Variants in ASIC2 observed in about 807,000 individuals in gnomAD.
The protein encoded by ASIC2 is acid sensing ion channel subunit 2.
In ASIC2, 25 loss-of-function variants were observed where a neutral mutation model predicts 57.3. The observed-to-expected ratio is 0.44, with a 90% CI of 0.32 to 0.61. The LOEUF (loss-of-function observed/expected upper bound fraction) is 0.61. Among genes scored for constraint, ASIC2 ranks in the 20% least tolerant of loss-of-function variants. The pLI, the probability that ASIC2 is intolerant of heterozygous loss-of-function variation, is 0.06. For synonymous variants in ASIC2, 319 were observed against 307.5 expected (o/e 1.04, Z -0.39); for missense variants, 641 against 738.1 (o/e 0.87, Z 1.52).
At chr17:33,094,474 C>T (rs981992580) in intron 2 of ASIC2, among the ~76,000 whole-genome samples, 3 of 152,090 alleles carry the variant, frequency 2.0e-5, no homozygotes, top group Non-Finnish European at 4.4e-5. Flanking sequence ...TTGCCCATGC[C>T]TTTGTTAACA....
At chr17:33,887,979 T>C (rs1914869059) in intron 1 of ASIC2, among the ~76,000 whole-genome samples, 2 of 152,190 alleles carry the variant, frequency 1.3e-5, no homozygotes, top group Admixed American at 1.3e-4. Flanking sequence ...TTTCTGCCGA[T>C]TTTGCATGTT....
At chr17:33,992,457 T>C (rs939794851) in intron 1 of ASIC2, among the ~76,000 whole-genome samples, 1 of 152,226 alleles carries the variant, frequency 6.6e-6, no homozygotes, top group African/African-American at 2.4e-5. Context: ...AATTTACTTC[T>C]TTCCTTCCAA....
chr17:33,341,623 G>A (rs1306426163), intron 1 of ASIC2, among the ~76,000 whole-genome samples: 1 of 152,192 alleles, frequency 6.6e-6, no homozygotes. Context: ...TTATTATTCA[G>A]TAAATATTTA....
At chr17:34,132,126 A>C (rs1911993494) in intron 1 of ASIC2, among the ~76,000 whole-genome samples, 2 of 152,218 alleles carry the variant, frequency 1.3e-5, no homozygotes, top group South Asian at 4.2e-4. Context: ...TGGGATCTCA[A>C]CTTTGCCACT....
At chr17:33,694,673 A>G (rs1457635147) in intron 1 of ASIC2, among the ~76,000 whole-genome samples, 1 of 152,202 alleles carries the variant, frequency 6.6e-6, no homozygotes, top group African/African-American at 2.4e-5. Context: ...ACAAAGCTCC[A>G]ATGGATAATG....
intron 1 of ASIC2, among the ~76,000 whole-genome samples, chr17:33,894,467 C>T (rs185845039): frequency 4.6e-5 from 7 of 152,134 alleles, no homozygotes; most frequent in Middle Eastern, 3.4e-3. Flanking sequence ...GAGTTGTTCT[C>T]TCCTGGGTGC....
At chr17:33,902,376 C>T (rs1915247607) in intron 1 of ASIC2, among the ~76,000 whole-genome samples, 1 of 152,244 alleles carries the variant, frequency 6.6e-6, no homozygotes, top group Admixed American at 6.5e-5. Context: ...CACAAAATCC[C>T]AGTTTACACT....
At chr17:33,453,063 TAACTTATGCC>T (rs1912319433) in intron 1 of ASIC2, among the ~76,000 whole-genome samples, 1 of 152,234 alleles carries the variant, frequency 6.6e-6, no homozygotes, top group South Asian at 2.1e-4. Context: ...CGAAGGTTGC[TAACTTATGCC>T]TATGAGTTCT....
chr17:34,082,707 G>C (rs1909935783), intron 1 of ASIC2, among the ~76,000 whole-genome samples: 1 of 152,218 alleles, frequency 6.6e-6, no homozygotes, highest in Non-Finnish European at 1.5e-5. Context: ...GGTACTTCAT[G>C]CATTACCTTA....
At chr17:33,658,164 G>A (rs1251689550) in intron 1 of ASIC2, among the ~76,000 whole-genome samples, 1 of 152,186 alleles carries the variant, frequency 6.6e-6, no homozygotes, top group East Asian at 1.9e-4. Flanking sequence ...CTACTCCTTA[G>A]AAGTGGCCTG....
At chr17:33,179,811 G>A (rs978523876) in intron 1 of ASIC2, among the ~76,000 whole-genome samples, 2 of 152,166 alleles carry the variant, frequency 1.3e-5, no homozygotes, top group Non-Finnish European at 2.9e-5. Flanking sequence ...TGGCCCTTTC[G>A]TTCTAACGTA....
chr17:34,148,795 T>G (rs1904390414), intron 1 of ASIC2, among the ~76,000 whole-genome samples: 1 of 152,122 alleles, frequency 6.6e-6, no homozygotes, highest in South Asian at 2.1e-4. Flanking sequence ...ATACTATCAA[T>G]AAATTTCCAT....
At chr17:33,790,648 T>C (rs1342699459) in intron 1 of ASIC2, among the ~76,000 whole-genome samples, 1 of 152,020 alleles carries the variant, frequency 6.6e-6, no homozygotes, top group Non-Finnish European at 1.5e-5. Flanking sequence ...GCAGCCCCCA[T>C]AGTTGCATAA....
Position 33,813,391 on chromosome 17 carries a change from A to C in ASIC2, c.555+342587T>G, listed in dbSNP as rs201916165. The stretch of plus-strand genomic sequence containing the variant: ...ACAAAAAACAAACAAACAAACAAAC[A>C]AACCCAGCCCCAGAGTGCCAGCATT... On this transcript the variant is annotated intron_variant, in intron 1 of 9. Coordinates refer to the ASIC2 transcript ENST00000359872. 1.4e-4 allele frequency among the ~76,000 whole-genome samples: 22 copies of C among 152,272 alleles called. No homozygotes were observed. In the East Asian group the frequency reaches 1.5e-3, roughly 11 times the overall value.
intron 1 of ASIC2, among the ~76,000 whole-genome samples, chr17:34,154,432 T>C (rs758919176): frequency 1.3e-5 from 2 of 152,200 alleles, no homozygotes; most frequent in African/African-American, 2.4e-5. Flanking sequence ...CCGATTTTGC[T>C]GTGCTCTTCC....
At chr17:33,226,056 C>A (rs890017384) in intron 1 of ASIC2, among the ~76,000 whole-genome samples, 2 of 152,138 alleles carry the variant, frequency 1.3e-5, no homozygotes, top group Non-Finnish European at 1.5e-5. Flanking sequence ...TTGTGGTCTA[C>A]TAGGAAAGAC....
At chr17:33,138,615 C>T (rs2092375175) in intron 1 of ASIC2, among the ~76,000 whole-genome samples, 4 of 152,150 alleles carry the variant, frequency 2.6e-5, no homozygotes, top group Admixed American at 2.6e-4. Flanking sequence ...CCCTTCCTGC[C>T]CCACCTTCCT....
chr17:34,059,683 G>A (rs1908898507), intron 1 of ASIC2, among the ~76,000 whole-genome samples: 1 of 152,158 alleles, frequency 6.6e-6, no homozygotes, highest in Admixed American at 6.5e-5. Context: ...CAGCCCTTTG[G>A]TTGGCATAGG....
chr17:33,567,227 C>T (rs1179776882), intron 1 of ASIC2, among the ~76,000 whole-genome samples: 1 of 151,972 alleles, frequency 6.6e-6, no homozygotes, highest in Non-Finnish European at 1.5e-5. Flanking sequence ...AGAGAGTGGC[C>T]TTATGAAGGT....
Sources: allele counts gnomAD v4.1 joint callset (sites outside exome capture counted in the v4.1 genomes callset), GRCh38; gene constraint gnomAD v4.1.1; transcripts MANE v1.5; gene names NCBI Gene and HGNC (gene_info 2026-07-23, HGNC 2026-07-21).